Variants in TMCC1 observed in about 807,000 individuals in gnomAD.
TMCC1 encodes transmembrane and coiled-coil domains protein 1.
In TMCC1, 15 loss-of-function variants were observed where a neutral mutation model predicts 52.4. That is an observed-to-expected ratio of 0.29 (90% CI 0.19 to 0.44). The LOEUF is 0.44. Ranked by LOEUF, TMCC1 falls within the 20% of genes least tolerant of loss-of-function variation. The probability of loss-of-function intolerance (pLI) is 1.00; values close to 1 mark genes in which losing one functional copy is unlikely to be tolerated. For missense variants in TMCC1, 503 were observed against 806.0 expected (o/e 0.62, Z 4.55); for synonymous variants, 279 against 301.9 (o/e 0.92, Z 0.79).
chr3:129,815,593 A>T (rs1184815068), intron 4 of TMCC1, among the ~76,000 whole-genome samples: 2 of 152,210 alleles, frequency 1.3e-5, no homozygotes, highest in Non-Finnish European at 2.9e-5. Flanking sequence ...TACAAAAATC[A>T]AATCAAAAGG....
intron 4 of TMCC1, among the ~76,000 whole-genome samples, chr3:129,677,551 A>G (rs1034144493): frequency 6.6e-6 from 1 of 152,254 alleles, no homozygotes; most frequent in African/African-American, 2.4e-5. Flanking sequence ...TACTTCAATG[A>G]TACAGTGTCA....
intron 2 of TMCC1, among the ~76,000 whole-genome samples, chr3:129,862,915 C>G (rs1040965431): frequency 1.3e-5 from 2 of 152,214 alleles, no homozygotes; most frequent in Non-Finnish European, 2.9e-5. Context: ...AGCATTTTAA[C>G]ACAATTTTGC....
At chr3:129,691,391 G>A (rs2047019538) in intron 4 of TMCC1, among the ~76,000 whole-genome samples, 1 of 151,268 alleles carries the variant, frequency 6.6e-6, no homozygotes, top group African/African-American at 2.4e-5. Flanking sequence ...TTGAGATCTG[G>A]ACCAGTGAGG....
At chr3:129,690,250 T>G (rs555955858) in intron 4 of TMCC1, among the ~76,000 whole-genome samples, 2 of 152,326 alleles carry the variant, frequency 1.3e-5, no homozygotes, top group Admixed American at 1.3e-4. Flanking sequence ...CAAAAATCAC[T>G]TATTGTAACT....
At chr3:129,671,761 T>C (rs1576388333) in intron 4 of TMCC1, among the ~76,000 whole-genome samples, 1 of 152,240 alleles carries the variant, frequency 6.6e-6, no homozygotes, top group Non-Finnish European at 1.5e-5. Context: ...ACTGGCTAGA[T>C]ATAAAAATGC....
chr3:129,669,056 CAG>C (rs778555136), intron 5 of TMCC1, among the ~76,000 whole-genome samples: 1 of 152,186 alleles, frequency 6.6e-6, no homozygotes, highest in Non-Finnish European at 1.5e-5. Context: ...AATTGAAGAA[CAG>C]AAGAGTAAGA....
intron 4 of TMCC1, among the ~76,000 whole-genome samples, chr3:129,813,371 C>A (rs1465966189): frequency 6.6e-6 from 1 of 152,150 alleles, no homozygotes; most frequent in Non-Finnish European, 1.5e-5. Flanking sequence ...ATGTTCACTG[C>A]AGCACTATTC....
At chr3:129,662,306 C>G (rs1224634495) in intron 5 of TMCC1, among the ~76,000 whole-genome samples, 1 of 152,114 alleles carries the variant, frequency 6.6e-6, no homozygotes, top group Non-Finnish European at 1.5e-5. Flanking sequence ...ATACAGTGTA[C>G]TTACACAAAT....
In TMCC1 at chr3:129,660,806, T is replaced by C. The variant is rs185884783; in HGVS notation, c.1512-5703A>G. ...TTTTAGAGACAGAGTCTCACTATGTTGTCCATGCTGGAGTACAGTGGTTAT... is the reference window on the plus strand; with the variant it reads ...TTTTAGAGACAGAGTCTCACTATGTCGTCCATGCTGGAGTACAGTGGTTAT... On this transcript the variant is annotated intron_variant, in intron 5 of 6. Coordinates refer to ENST00000393238, the MANE Select transcript of TMCC1 (RefSeq NM_001017395.5). Among the ~76,000 whole-genome samples, 923 of 152,308 alleles carry C rather than the reference T, an allele frequency of 6.1e-3. 11 individuals carry two copies. Among genetic ancestry groups the C allele is most frequent in the Non-Finnish European group, 8.6e-3 (583 of 68,020 alleles).
intron 4 of TMCC1, among the ~76,000 whole-genome samples, chr3:129,732,641 A>G (rs998775996): frequency 6.6e-6 from 1 of 152,180 alleles, no homozygotes; most frequent in African/African-American, 2.4e-5. Flanking sequence ...TACAATTTCC[A>G]TAATAGTGCC....
intron 4 of TMCC1, among the ~76,000 whole-genome samples, chr3:129,699,578 C>T (rs1402919918): frequency 1.3e-5 from 2 of 151,662 alleles, no homozygotes; most frequent in African/African-American, 4.8e-5. Context: ...TTCTTTTATT[C>T]CTTTACTTTC....
chr3:129,811,093 A>C (rs1307238798), intron 4 of TMCC1, among the ~76,000 whole-genome samples: 1 of 152,160 alleles, frequency 6.6e-6, no homozygotes, highest in Non-Finnish European at 1.5e-5. Flanking sequence ...CTTCTAAATA[A>C]GCTTCTATAT....
chr3:129,844,152 AC>A (rs1042844829), intron 2 of TMCC1, among the ~76,000 whole-genome samples: 2 of 152,218 alleles, frequency 1.3e-5, no homozygotes, highest in African/African-American at 4.8e-5. Flanking sequence ...CGCAGAAAAC[AC>A]ATTAGACTAT....
chr3:129,674,429 A>G (rs901704620), intron 4 of TMCC1, among the ~76,000 whole-genome samples: 1 of 152,148 alleles, frequency 6.6e-6, no homozygotes, highest in African/African-American at 2.4e-5. Context: ...ACCATGAATC[A>G]CTGGACTACT....
intron 1 of TMCC1, among the ~76,000 whole-genome samples, chr3:129,887,514 C>A (rs2061767406): frequency 6.7e-6 from 1 of 148,904 alleles, no homozygotes. Flanking sequence ...TGCACTCCAA[C>A]CTGGCGACAG....
intron 4 of TMCC1, among the ~76,000 whole-genome samples, chr3:129,786,159 C>A (rs993356698): frequency 6.6e-6 from 1 of 152,028 alleles, no homozygotes; most frequent in Non-Finnish European, 1.5e-5. Flanking sequence ...AGGCTGGTCT[C>A]GAATTCCTGG....
rs2061642413 is a variant in TMCC1 at position 129,885,306 on chromosome 3, G to C, written c.-434-4747C>G. On this transcript the variant is annotated intron_variant, in intron 1 of 6. Transcript: ENST00000393238. ...GGAAAATGAATTTGTCAAAGCAAAG[G>C]TGTCAAAGCAATCACTGCAGAACAA... Among the ~76,000 whole-genome samples the C allele has an allele frequency of 2.6e-5, 4 of 152,180 alleles. 1 individual carries two copies. In the South Asian group the frequency reaches 8.3e-4, roughly 32 times the overall value.
rs181039493 is a variant in TMCC1 at position 129,798,935 on chromosome 3, C to A, written c.576+28868G>T. ...CTTAAATGAGATTCTTTTGGCAATC[C>A]CACAATAAATAACAATACAGATAGC... is the stretch of plus-strand genomic sequence containing the variant. On this transcript the variant is annotated intron_variant, in intron 4 of 6. Transcript: ENST00000393238. 6.6e-5 allele frequency among the ~76,000 whole-genome samples: 10 copies of A among 151,998 alleles called. No homozygotes were observed. In the East Asian group the frequency reaches 1.5e-3, roughly 24 times the overall value.
At chr3:129,699,301 G>A (rs375763704) in intron 4 of TMCC1, among the ~76,000 whole-genome samples, 17 of 152,134 alleles carry the variant, frequency 1.1e-4, no homozygotes, top group African/African-American at 2.7e-4. Flanking sequence ...AGACGCCAGC[G>A]AAAAGTTCAT....
Sources: allele counts gnomAD v4.1 joint callset (sites outside exome capture counted in the v4.1 genomes callset), GRCh38; gene constraint gnomAD v4.1.1; transcripts MANE v1.5; gene names NCBI Gene and HGNC (gene_info 2026-07-23, HGNC 2026-07-21).